EFNA5: variants seen among roughly 807,000 people sequenced by gnomAD.
EFNA5 encodes the protein ephrin-A5.
In EFNA5, 5 loss-of-function variants were observed where a neutral mutation model predicts 22.9. The observed-to-expected ratio is 0.22, with a 90% CI of 0.11 to 0.46. The LOEUF (loss-of-function observed/expected upper bound fraction) is 0.46, where lower values mean the gene tolerates loss of function less well. EFNA5 is among the 20% of genes least tolerant of loss of function. The pLI, the probability that EFNA5 is intolerant of heterozygous loss-of-function variation, is 0.99. For synonymous variants in EFNA5, 113 were observed against 112.2 expected, an observed-to-expected ratio of 1.01 and a Z score of -0.04; for missense variants, 237 against 293.3, an observed-to-expected ratio of 0.81 and a Z score of 1.40.
At chr5:107,569,541 A>ATG (rs1300267077) in intron 1 of EFNA5, among the ~76,000 whole-genome samples, 1 of 125,646 alleles carries the variant, frequency 8.0e-6, no homozygotes, top group African/African-American at 3.0e-5. Flanking sequence ...TTATATATAT[A>ATG]TGTGTGTATA....
chr5:107,502,415 C>A lies in EFNA5; in HGVS notation c.126-74906G>T, dbSNP rs944819267. Among the ~76,000 whole-genome samples the A allele has an allele frequency of 2.0e-5, 3 of 152,304 alleles. No individual in the cohort carries two copies. The East Asian group carries it at 5.8e-4, about 29-fold the overall frequency. On this transcript the variant is annotated intron_variant, in intron 1 of 4. Transcript: ENST00000333274. ...GACATTCTGAATTTATCTAGCACAT[C>A]TTCCCTATCTGATGCAAATGAACCG...
chr5:107,488,224 A>AT (rs1187932738), intron 1 of EFNA5, among the ~76,000 whole-genome samples: 1 of 152,214 alleles, frequency 6.6e-6, no homozygotes, highest in East Asian at 1.9e-4. Flanking sequence ...ATGTTATCTT[A>AT]TCCCCCATCT....
chr5:107,580,823 C>T (rs1375873738), intron 1 of EFNA5, among the ~76,000 whole-genome samples: 1 of 152,054 alleles, frequency 6.6e-6, no homozygotes, highest in Admixed American at 6.6e-5. Flanking sequence ...TTGTACCACT[C>T]CATTAGCTGT....
intron 1 of EFNA5, among the ~76,000 whole-genome samples, chr5:107,652,913 T>A (rs941121312): frequency 1.3e-5 from 2 of 152,076 alleles, no homozygotes; most frequent in Admixed American, 6.6e-5. Context: ...ATAGTTTAAA[T>A]TTTTCATATA....
chr5:107,405,164 C>A (rs563442492), intron 2 of EFNA5, among the ~76,000 whole-genome samples: 2 of 152,338 alleles, frequency 1.3e-5, no homozygotes, highest in African/African-American at 4.8e-5. Context: ...CCCAGCCTGG[C>A]CTTGCCATCT....
intron 1 of EFNA5, among the ~76,000 whole-genome samples, chr5:107,616,781 C>T (rs894593243): frequency 3.3e-5 from 5 of 152,214 alleles, no homozygotes; most frequent in African/African-American, 1.2e-4. Flanking sequence ...TACAAAATCA[C>T]ACTGTGAGAA....
At chr5:107,381,505 C>T (rs1747459849) in intron 4 of EFNA5, 129 bp from the exon 5 acceptor site, 1 of 1,048,578 alleles carries the variant, frequency 9.5e-7, no homozygotes, top group East Asian at 2.7e-5. Context: ...CCACCATTGA[C>T]TTTCATGTCT....
chr5:107,574,945 C>T (rs959615616), intron 1 of EFNA5, among the ~76,000 whole-genome samples: 1 of 152,128 alleles, frequency 6.6e-6, no homozygotes, highest in Non-Finnish European at 1.5e-5. Flanking sequence ...TTGATTTATG[C>T]CCATCATCAG....
chr5:107,510,271 A>T (rs1747342243), intron 1 of EFNA5, among the ~76,000 whole-genome samples: 1 of 152,210 alleles, frequency 6.6e-6, no homozygotes, highest in South Asian at 2.1e-4. Flanking sequence ...TACAAATGCC[A>T]TGGCAATGTC....
intron 1 of EFNA5, among the ~76,000 whole-genome samples, chr5:107,616,599 T>A (rs1363308444): frequency 6.6e-6 from 1 of 152,098 alleles, no homozygotes; most frequent in Non-Finnish European, 1.5e-5. Context: ...CGTGTGTGTG[T>A]GTATGTGCGT....
intron 1 of EFNA5, among the ~76,000 whole-genome samples, chr5:107,470,360 C>T (rs1350245600): frequency 6.6e-6 from 1 of 152,174 alleles, no homozygotes; most frequent in Non-Finnish European, 1.5e-5. Context: ...AAATGACACC[C>T]AATTGTTATT....
intron 1 of EFNA5, among the ~76,000 whole-genome samples, chr5:107,502,632 G>A (rs1015725034): frequency 3.3e-5 from 5 of 152,276 alleles, no homozygotes; most frequent in Admixed American, 2.6e-4. Flanking sequence ...TACTCAGGAC[G>A]TGCAAAGGAG....
intron 1 of EFNA5, among the ~76,000 whole-genome samples, chr5:107,607,340 C>T (rs749654951): frequency 2.6e-5 from 4 of 152,212 alleles, no homozygotes; most frequent in Admixed American, 2.6e-4. Context: ...TAGGCTAACT[C>T]GCTGCCTGCT....
At chr5:107,643,913 G>A (rs2112546778) in intron 1 of EFNA5, among the ~76,000 whole-genome samples, 1 of 151,856 alleles carries the variant, frequency 6.6e-6, no homozygotes, top group South Asian at 2.1e-4. Context: ...GGCAGCACAT[G>A]GCTAGAGAAA....
At chr5:107,502,913 A>G (rs972002071) in intron 1 of EFNA5, among the ~76,000 whole-genome samples, 7 of 152,186 alleles carry the variant, frequency 4.6e-5, no homozygotes, top group Non-Finnish European at 4.4e-5. Context: ...CACTCCTCAG[A>G]GAGGCACGCC....
At chr5:107,533,710 C>G (rs1747870602) in intron 1 of EFNA5, among the ~76,000 whole-genome samples, 1 of 152,142 alleles carries the variant, frequency 6.6e-6, no homozygotes, top group Non-Finnish European at 1.5e-5. Context: ...TATGTAGTTC[C>G]CATATACGGA....
intron 1 of EFNA5, among the ~76,000 whole-genome samples, chr5:107,436,836 A>G (rs1749123306): frequency 6.6e-6 from 1 of 152,190 alleles, no homozygotes; most frequent in Non-Finnish European, 1.5e-5. Context: ...GCTTACTTCC[A>G]TGTAGCCCTT....
intron 1 of EFNA5, 133 bp downstream of exon 1, chr5:107,670,356 A>G (rs1379895470): frequency 8.1e-7 from 1 of 1,230,962 alleles, no homozygotes; most frequent in East Asian, 3.1e-5. Flanking sequence ...GCCTCAAGCC[A>G]TCAGCGCCCG....
At chr5:107,516,170 A>C (rs955912283) in intron 1 of EFNA5, among the ~76,000 whole-genome samples, 5 of 65,922 alleles carry the variant, frequency 7.6e-5, no homozygotes, top group South Asian at 5.7e-4. Flanking sequence ...ATGCCTGGCT[A>C]GTTTTGTGTG....
Sources: allele counts gnomAD v4.1 joint callset (sites outside exome capture counted in the v4.1 genomes callset), GRCh38; gene constraint gnomAD v4.1.1; transcripts MANE v1.5; gene names NCBI Gene and HGNC (gene_info 2026-07-23, HGNC 2026-07-21).